Variants in SS18L2 observed in about 807,000 individuals in gnomAD.
SS18L2 encodes SS18-like protein 2.
Under a neutral mutation model 10.3 loss-of-function variants are expected in SS18L2, and 8 were observed. The observed-to-expected ratio is 0.78, with a 90% confidence interval of 0.46 to 1.41. The LOEUF (loss-of-function observed/expected upper bound fraction) is 1.41. Among genes scored for constraint, SS18L2 ranks in the 40% most tolerant of loss-of-function variants. SS18L2 has a pLI of 0.00. For missense variants in SS18L2, 100 were observed against 96.2 expected (o/e 1.04, Z -0.17); for synonymous variants, 41 against 34.6 (o/e 1.19, Z -0.65).
At position 42,595,619 on chromosome 3, in the gene SS18L2, T is replaced by C. The variant is rs1705006048; in HGVS notation, c.*1110T>C. ...ATAATGAGGATTTTCTAATTTATCA[T>C]TCTTTCTGACTTTATTAGCTGTATT... On this transcript the variant is annotated 3_prime_UTR_variant, in exon 3 of 3. Coordinates refer to ENST00000011691, the MANE Select transcript of SS18L2 (RefSeq NM_001370300.1). Among the ~76,000 whole-genome samples the C allele has an allele frequency of 6.6e-6, 1 of 152,248 alleles. No homozygotes were observed. The highest frequency in any genetic ancestry group is 6.5e-5 in the Admixed American group (1 of 15,282).
chr3:42,583,512 A>G (rs1704502818), intron 1 of SS18L2, among the ~76,000 whole-genome samples: 1 of 152,172 alleles, frequency 6.6e-6, no homozygotes, highest in African/African-American at 2.4e-5. Flanking sequence ...TCCATCTTAG[A>G]CAAGTTGAAT....
intron 1 of SS18L2, chr3:42,591,201 C>CT (rs71616053): frequency 0.094 from 45,166 of 482,372 alleles, 375 homozygotes; most frequent in Middle Eastern, 0.11. Context: ...CCTTTCTCTC[C>CT]TTTTTTTTTT....
chr3:42,594,415 C>T lies in SS18L2; in HGVS notation c.147-7C>T, dbSNP rs1704967621. Reference sequence around the variant, plus strand: ...CCTCTGATTTTTGCCTGTTTTTTTGCCCATAGGTACCAGCATGTGTTACAT... The same window carrying T: ...CCTCTGATTTTTGCCTGTTTTTTTGTCCATAGGTACCAGCATGTGTTACAT... On this transcript the variant is annotated splice_polypyrimidine_tract_variant and splice_region_variant and intron_variant, in intron 2 of 2. Coordinates refer to ENST00000011691, the MANE Select transcript of SS18L2 (RefSeq NM_001370300.1). 1.2e-6 allele frequency: 2 copies of T among 1,607,800 alleles called. No homozygotes were observed. The highest frequency in any genetic ancestry group is 1.7e-6 in the Non-Finnish European group (2 of 1,176,326).
chr3:42,589,637 C>T (rs1008795307), upstream of SS18L2, among the ~76,000 whole-genome samples: 7 of 152,220 alleles, frequency 4.6e-5, no homozygotes, highest in Non-Finnish European at 1.0e-4. Flanking sequence ...ATTAGATTCT[C>T]ACAGGAGCGT....
upstream of SS18L2, among the ~76,000 whole-genome samples, chr3:42,587,786 T>C (rs1489575871): frequency 6.6e-6 from 1 of 151,298 alleles, no homozygotes; most frequent in Non-Finnish European, 1.5e-5. Context: ...AAACCTTCGC[T>C]TTAGGCCAGG....
At chr3:42,587,422 T>C (rs1473588143), upstream of SS18L2, 1 of 152,122 alleles carries the variant, frequency 6.6e-6, no homozygotes, top group Admixed American at 6.5e-5. Flanking sequence ...TGATAGAAAC[T>C]TTAATGATGT....
chr3:42,591,580 G>A lies in SS18L2; in HGVS notation c.125G>A (p.Gly42Asp). 1.9e-6 allele frequency: 3 copies of A among 1,613,906 alleles called. No individual in the cohort carries two copies. The highest frequency in any genetic ancestry group is 2.5e-6 in the Non-Finnish European group (3 of 1,179,782). ...IRCIVEYQNK[G>D]RGNECVQYQH... ...TGTATTGTGGAGTATCAGAACAAGGGCCGCGGGAACGAGTGCGTGCAGTAA... is the reference window on the plus strand; with the variant it reads ...TGTATTGTGGAGTATCAGAACAAGGACCGCGGGAACGAGTGCGTGCAGTAA... The change falls in exon 2 of 3, where the codon GGC becomes GAC. Residue 42 changes from glycine (G) to aspartate (D), a missense_variant. Coordinates refer to ENST00000011691, the MANE Select transcript of SS18L2 (RefSeq NM_001370300.1).
In SS18L2 at chr3:42,590,950, A is replaced by G; in HGVS notation, c.53A>G (p.Gln18Arg). 6.9e-7 allele frequency: 1 copy of G among 1,451,156 alleles called. No individual in the cohort carries two copies. Among genetic ancestry groups the G allele is most frequent in the Non-Finnish European group, 9.3e-7 (1 of 1,070,818 alleles). The allele number at this position is 1,451,156 out of a possible 1,614,324, so 89.9% of individuals were successfully genotyped here. A position where few individuals can be genotyped will look rare whatever the true frequency, so the allele number is the denominator to read the frequency against. ...DWLRGKAEVN[Q>R]ETIQRLLEEN... ...CTGAGGGGCAAGGCGGAAGTCAATC[A>G]AGAGACTATCCAGCGGGTGAGCATC... The change falls in exon 1 of 3, where the codon CAA becomes CGA. Residue 18 changes from glutamine to arginine, a missense_variant. By Grantham distance (43) the Gln-to-Arg change is conservative. Coordinates refer to ENST00000011691, the MANE Select transcript of SS18L2 (RefSeq NM_001370300.1).
At chr3:42,591,752 C>T (rs1704855587) in intron 2 of SS18L2, 151 bp downstream of exon 2, 5 of 639,296 alleles carry the variant, frequency 7.8e-6, no homozygotes, top group Non-Finnish European at 1.4e-5. Context: ...GTTTGCCAAC[C>T]TGCCCAAGAC....
chr3:42,587,797 C>T (rs1209631306), upstream of SS18L2, among the ~76,000 whole-genome samples: 1 of 151,624 alleles, frequency 6.6e-6, no homozygotes, highest in Non-Finnish European at 1.5e-5. Flanking sequence ...TTAGGCCAGG[C>T]TCTGTGGCTC....
chr3:42,590,746 C>G (rs17030458), upstream of SS18L2: 85,874 of 817,624 alleles, frequency 0.11, 5,254 homozygotes, highest in South Asian at 0.16. Flanking sequence ...CCGAGGAAAG[C>G]GCTGAGTATA....
chr3:42,592,049 C>T (rs1434554182), intron 2 of SS18L2, among the ~76,000 whole-genome samples: 3 of 152,150 alleles, frequency 2.0e-5, no homozygotes, highest in East Asian at 3.8e-4. Flanking sequence ...GTGACACACA[C>T]ACAAAGACAA....
upstream of SS18L2, chr3:42,587,552 C>A (rs1026411935): frequency 2.6e-5 from 4 of 151,740 alleles, no homozygotes; most frequent in Non-Finnish European, 5.9e-5. Flanking sequence ...CACAGTGGAA[C>A]CCCGTCTCTA....
At chr3:42,592,964 T>A (rs556676131) in intron 2 of SS18L2, among the ~76,000 whole-genome samples, 63 of 152,250 alleles carry the variant, frequency 4.1e-4, no homozygotes, top group African/African-American at 1.5e-3. Flanking sequence ...GTCCTCTGTA[T>A]CCATGGGTTC....
At chr3:42,591,008 G>C (rs1433843017) in intron 1 of SS18L2, 42 bp downstream of exon 1, 1 of 1,551,262 alleles carries the variant, frequency 6.4e-7, no homozygotes, top group Admixed American at 1.9e-5. Flanking sequence ...GAGAGAAGTC[G>C]GGATCCCGAG....
chr3:42,592,658 T>C (rs1414952977), intron 2 of SS18L2, among the ~76,000 whole-genome samples: 1 of 152,258 alleles, frequency 6.6e-6, no homozygotes, highest in Non-Finnish European at 1.5e-5. Flanking sequence ...CATCTGACTC[T>C]GGCATTTGGT....
chr3:42,586,632 T>C (rs1704620969), upstream of SS18L2, among the ~76,000 whole-genome samples: 1 of 151,710 alleles, frequency 6.6e-6, no homozygotes, highest in Non-Finnish European at 1.5e-5. Context: ...GTTTTCCTCT[T>C]CCTATATCTC....
chr3:42,588,975 T>C (rs1335022669), upstream of SS18L2, among the ~76,000 whole-genome samples: 1 of 151,760 alleles, frequency 6.6e-6, no homozygotes, highest in Non-Finnish European at 1.5e-5. Context: ...TGAAATGGGA[T>C]GAAAGCAGGC....
At chr3:42,590,612 A>G (rs1413984114), upstream of SS18L2, among the ~76,000 whole-genome samples, 2 of 151,498 alleles carry the variant, frequency 1.3e-5, no homozygotes, top group Non-Finnish European at 2.9e-5. Flanking sequence ...TGCACAGCCT[A>G]ACACTGGAGG....
Sources: gnomAD v4.1 joint callset for allele counts (sites outside exome capture counted in the v4.1 genomes callset) on GRCh38, gnomAD v4.1.1 for gene constraint, MANE v1.5 for transcripts, NCBI Gene and HGNC (gene_info 2026-07-23, HGNC 2026-07-21) for gene names.